ASL: variants seen among roughly 807,000 people sequenced by gnomAD.
The protein encoded by ASL is argininosuccinase.
A neutral mutation model predicts 69.1 loss-of-function variants in ASL; 51 were observed. The observed-to-expected ratio is 0.74, with a 90% CI of 0.59 to 0.93. ASL has a LOEUF of 0.93. Ranked by LOEUF, ASL falls within the 40% of genes least tolerant of loss-of-function variation. The pLI is 0.00. For synonymous variants in ASL, 241 were observed against 247.6 expected (o/e 0.97, Z 0.25); for missense variants, 540 against 623.9 (o/e 0.87, Z 1.43).
chr7:66,077,964 G>T (rs1389783252), intron 2 of ASL, among the ~76,000 whole-genome samples: 1 of 152,070 alleles, frequency 6.6e-6, no homozygotes, highest in African/African-American at 2.4e-5. Context: ...CTCCCTGTGG[G>T]GTCCTCTTAT....
At chr7:66,092,475 A>T in intron 15 of ASL, 82 bp from the exon 16 acceptor site, 1 of 1,321,636 alleles carries the variant, frequency 7.6e-7, no homozygotes, top group Non-Finnish European at 1.1e-6. Flanking sequence ...AAAAAAAAAA[A>T]AAGGAAGGGG....
chr7:66,080,235 A>G (rs1464405606), intron 2 of ASL, among the ~76,000 whole-genome samples: 3 of 151,438 alleles, frequency 2.0e-5, no homozygotes, highest in African/African-American at 4.9e-5. Flanking sequence ...AAATACAAAA[A>G]ATTAGCCAGG....
chr7:66,085,897 C>T (rs1225690449), intron 6 of ASL, among the ~76,000 whole-genome samples: 2 of 151,914 alleles, frequency 1.3e-5, no homozygotes, highest in African/African-American at 2.4e-5. Flanking sequence ...CGTGAGTTAC[C>T]GCGCCTGGCC....
In ASL at chr7:66,083,116, T is replaced by TCCACG; in HGVS notation, c.390_394dup (p.Leu132ProfsTer45). 1 of 1,613,608 alleles carries TCCACG rather than the reference T, an allele frequency of 6.2e-7. No individual in the cohort carries two copies. Among genetic ancestry groups the TCCACG allele is most frequent in the Non-Finnish European group, 8.5e-7 (1 of 1,179,974 alleles). On this transcript the variant is annotated frameshift_variant, in exon 6 of 17. Coordinates refer to ENST00000304874, the MANE Select transcript of ASL (RefSeq NM_000048.4). LOFTEE classifies it high-confidence loss of function. The stretch of plus-strand genomic sequence containing the variant: ...CAGGCTGTGGATGCGGCAGACCTGC[T>TCCACG]CCACGCTCTCGGGCCTCCTCTGGGA...
At chr7:66,079,484 T>C (rs1204937254) in intron 2 of ASL, among the ~76,000 whole-genome samples, 1 of 152,160 alleles carries the variant, frequency 6.6e-6, no homozygotes, top group Non-Finnish European at 1.5e-5. Context: ...GGCTGGCGCC[T>C]AGGCTCATGC....
At chr7:66,092,698 G>A in intron 16 of ASL, 35 bp downstream of exon 16, 4 of 1,613,510 alleles carry the variant, frequency 2.5e-6, no homozygotes, top group Non-Finnish European at 3.4e-6. Flanking sequence ...CTGCCTCCTA[G>A]GAAGTGAGCC....
chr7:66,082,277 G>A (rs1031101768), intron 3 of ASL, 91 bp from the exon 4 acceptor site: 1 of 1,356,668 alleles, frequency 7.4e-7, no homozygotes. Context: ...GGGACAGTCA[G>A]TCACCAGGGA....
intron 14 of ASL, among the ~76,000 whole-genome samples, chr7:66,090,881 C>T (rs1028146108): frequency 6.6e-6 from 1 of 151,924 alleles, no homozygotes; most frequent in Non-Finnish European, 1.5e-5. Context: ...GCAGATCACT[C>T]GAGGTCAGGA....
rs183157856 is a variant in ASL, at chr7:66,086,791, G to A, written c.572G>A (p.Arg191Gln). 1.1e-5 allele frequency: 17 copies of A among 1,590,206 alleles called. No individual in the cohort carries two copies. Among genetic ancestry groups the A allele is most frequent in the Non-Finnish European group, 1.3e-5 (15 of 1,168,946 alleles). ...TRDSERLLEV[R>Q]KRINVLPLGS... ...GACTCTGAGCGGCTGCTGGAGGTGCGGAAGCGGATCAATGTCCTGCCCCTG... is the reference window on the plus strand; with the variant it reads ...GACTCTGAGCGGCTGCTGGAGGTGCAGAAGCGGATCAATGTCCTGCCCCTG... Residue 191 changes from arginine (R) to glutamine (Q), a missense_variant, in exon 8 of 17, where the codon CGG becomes CAG. By Grantham distance (43) the Arg-to-Gln change is conservative (BLOSUM62 1). Coordinates refer to ENST00000304874, the MANE Select transcript of ASL (RefSeq NM_000048.4).
chr7:66,082,834 C>T (rs1786547199), intron 4 of ASL, 46 bp from the exon 5 acceptor site: 2 of 1,611,412 alleles, frequency 1.2e-6, no homozygotes, highest in Admixed American at 3.3e-5. Flanking sequence ...TGGGTTGACT[C>T]CTCTGGGGGT....
chr7:66,086,488 A>C, intron 6 of ASL, 97 bp from the exon 7 acceptor site: 1 of 1,333,188 alleles, frequency 7.5e-7, no homozygotes, highest in Non-Finnish European at 1.1e-6. Flanking sequence ...GCAGCGTGAC[A>C]CTTTTTCCAG....
chr7:66,080,856 A>G (rs1786484992), intron 2 of ASL, among the ~76,000 whole-genome samples: 1 of 152,092 alleles, frequency 6.6e-6, no homozygotes, highest in South Asian at 2.1e-4. Context: ...TTCAGAGCCA[A>G]GGGAGTGGTA....
At position 66,092,062 on chromosome 7, in the gene ASL, T is replaced by C; in HGVS notation, c.1119T>C (p.Leu373=). The change falls in exon 15 of 17, where the codon CTT becomes CTC. Residue 373 remains leucine, a synonymous_variant. Coordinates refer to ENST00000304874, the MANE Select transcript of ASL (RefSeq NM_000048.4). ...GCCCCGACATGCTGGCCACTGACCTTGCCTATTACCTGGTCCGCAAAGGGG... is the reference window on the plus strand; with the variant it reads ...GCCCCGACATGCTGGCCACTGACCTCGCCTATTACCTGGTCCGCAAAGGGG... ...ALSPDMLATD[L]AYYLVRKGMP... is the part of the protein sequence containing the mutation. 6.2e-7 allele frequency: 1 copy of C among 1,613,006 alleles called. No individual in the cohort carries two copies. The highest frequency in any genetic ancestry group is 8.5e-7 in the Non-Finnish European group (1 of 1,179,972).
At position 66,092,033 on chromosome 7, in the gene ASL, C is replaced by A; in HGVS notation, c.1090C>A (p.Leu364Ile). The change falls in exon 15 of 17, where the codon CTC (leucine) becomes ATC (isoleucine). Residue 364 changes from leucine (L) to isoleucine (I), a missense_variant. Physicochemically the swap from Leu to Ile is conservative, Grantham distance 5. Transcript: ENST00000304874. ...TCACCAAGAGAACATGGGACAGGCTCTCAGCCCCGACATGCTGGCCACTGA... is the reference window on the plus strand; with the variant it reads ...TCACCAAGAGAACATGGGACAGGCTATCAGCCCCGACATGCTGGCCACTGA... Reference protein sequence around the residue: ...QIHQENMGQALSPDMLATDLA... With the variant: ...QIHQENMGQAISPDMLATDLA... The A allele has an allele frequency of 6.2e-7, 1 of 1,613,610 alleles. No homozygotes were observed. The highest frequency in any genetic ancestry group is 8.5e-7 in the Non-Finnish European group (1 of 1,180,030).
At chr7:66,079,066 C>G (rs1366142725) in intron 2 of ASL, among the ~76,000 whole-genome samples, 1 of 152,074 alleles carries the variant, frequency 6.6e-6, no homozygotes, top group Non-Finnish European at 1.5e-5. Context: ...CCCAACACCC[C>G]CATGCCTGGC....
Position 66,086,840 on chromosome 7 carries a change from C to A in ASL, c.602+19C>A, listed in dbSNP as rs759551000. ...TGGGGAGGTGGGTGAGGCTCCAGTG[C>A]CCCGAGGGCCTGGTGGGGGTGGCTG... On this transcript the variant is annotated intron_variant, in intron 8 of 16. Coordinates refer to ENST00000304874, the MANE Select transcript of ASL (RefSeq NM_000048.4). The A allele has an allele frequency of 2.6e-6, 4 of 1,560,098 alleles. No individual in the cohort carries two copies. Among genetic ancestry groups the A allele is most frequent in the South Asian group, 1.2e-5 (1 of 85,234 alleles).
Position 66,089,447 on chromosome 7 carries a change from G to GC in ASL, c.978+113dup, listed in dbSNP as rs1455356198. The GC allele has an allele frequency of 2.7e-6, 4 of 1,469,844 alleles. No homozygotes were observed. The Admixed American group carries it at 5.9e-5, about 22-fold the overall frequency. The allele number at this position is 1,469,844 out of a possible 1,614,324, so 91.1% of individuals were successfully genotyped here. A position where few individuals can be genotyped will look rare whatever the true frequency, so the allele number is the denominator to read the frequency against. On this transcript the variant is annotated intron_variant, in intron 13 of 16. Transcript: ENST00000304874. ...TACATCCTCCCATCCTGTGCACACA[G>GC]CTCCATCCGTGGCTGCCCTTGAACT...
At position 66,089,824 on chromosome 7, in the gene ASL, C is replaced by A. The variant is rs537018855; in HGVS notation, c.1062+129C>A. ...TGGGGCAGGGAAGGAGAGGTGTGCTCGCTCCTGCTCCTGGGGAACAGGGAA... is the reference window on the plus strand; with the variant it reads ...TGGGGCAGGGAAGGAGAGGTGTGCTAGCTCCTGCTCCTGGGGAACAGGGAA... On this transcript the variant is annotated intron_variant, in intron 14 of 16. Transcript: ENST00000304874. 103 of 973,244 alleles carry A rather than the reference C, an allele frequency of 1.1e-4. 2 individuals are homozygous for A. In the South Asian group the frequency reaches 1.3e-3, roughly 12 times the overall value. 60.3% of individuals were successfully genotyped at this position (973,244 alleles called of 1,614,324 possible).
intron 8 of ASL, 87 bp from the exon 9 acceptor site, chr7:66,087,247 T>TGA (rs1786692553): frequency 3.4e-6 from 1 of 291,892 alleles, no homozygotes; most frequent in South Asian, 5.7e-5. Flanking sequence ...TGCGTTCGTG[T>TGA]GTGTGTGTGT....
Sources: allele counts gnomAD v4.1 joint callset (sites outside exome capture counted in the v4.1 genomes callset), GRCh38; gene constraint gnomAD v4.1.1; transcripts MANE v1.5; gene names NCBI Gene and HGNC (gene_info 2026-07-23, HGNC 2026-07-21).